The following TMTC2 variants were observed in gnomAD, a reference collection of about 807,000 sequenced individuals.
TMTC2 encodes the protein protein O-mannosyl-transferase TMTC2.
In TMTC2, 43 loss-of-function variants were observed where a neutral mutation model predicts 82.4. The ratio of observed to expected loss-of-function variants is 0.52; its 90% CI spans 0.41 to 0.67. TMTC2 has a LOEUF of 0.67. TMTC2 is among the 30% of genes least tolerant of loss of function. TMTC2 has a pLI of 0.00. For missense variants in TMTC2, 919 were observed against 1,012.4 expected (o/e 0.91, Z 1.25); for synonymous variants, 408 against 381.9 (o/e 1.07, Z -0.80).
chr12:83,097,403 CT>C (rs1166261490), intron 11 of TMTC2, among the ~76,000 whole-genome samples: 1 of 152,192 alleles, frequency 6.6e-6, no homozygotes, highest in Non-Finnish European at 1.5e-5. Context: ...TTATTTAACT[CT>C]TTGCTCCCGG....
At chr12:82,762,085 G>A (rs1592500784) in intron 1 of TMTC2, among the ~76,000 whole-genome samples, 1 of 149,550 alleles carries the variant, frequency 6.7e-6, no homozygotes, top group African/African-American at 2.5e-5. Flanking sequence ...TCCTGCCTCA[G>A]CCTCCTGAGT....
chr12:82,918,485 C>A (rs1875152183), intron 3 of TMTC2, among the ~76,000 whole-genome samples: 1 of 151,960 alleles, frequency 6.6e-6, no homozygotes, highest in Non-Finnish European at 1.5e-5. Flanking sequence ...CATATAGGGA[C>A]AAAGACATAT....
At chr12:82,983,190 A>C (rs1879002960) in intron 7 of TMTC2, among the ~76,000 whole-genome samples, 1 of 152,002 alleles carries the variant, frequency 6.6e-6, no homozygotes, top group Non-Finnish European at 1.5e-5. Context: ...TAAACACTCA[A>C]TTATTATTAT....
chr12:82,988,074 G>A (rs1879242083), intron 8 of TMTC2, among the ~76,000 whole-genome samples: 1 of 152,176 alleles, frequency 6.6e-6, no homozygotes, highest in Admixed American at 6.5e-5. Context: ...GGAGTGAGGT[G>A]CATAAAAGTA....
At position 82,712,005 on chromosome 12, in the gene TMTC2, C is replaced by G. The variant is rs1873648124; in HGVS notation, c.83+24336C>G. 2.6e-5 allele frequency among the ~76,000 whole-genome samples: 4 copies of G among 152,276 alleles called. No individual in the cohort carries two copies. In the South Asian group the frequency reaches 8.3e-4, roughly 32 times the overall value. ...GCACGCTCTATCTTTATCTTCTTCC[C>G]TTTTCCCTCCTCCTTTCCTGTCTTT... On this transcript the variant is annotated intron_variant, in intron 1 of 11. Coordinates refer to ENST00000321196, the MANE Select transcript of TMTC2 (RefSeq NM_152588.3).
intron 11 of TMTC2, among the ~76,000 whole-genome samples, chr12:83,129,471 G>T (rs1429268206): frequency 6.6e-6 from 1 of 152,126 alleles, no homozygotes; most frequent in Non-Finnish European, 1.5e-5. Flanking sequence ...TACAAAATTT[G>T]TTTCATCATT....
chr12:82,887,618 G>T (rs1243004246), intron 2 of TMTC2, among the ~76,000 whole-genome samples: 1 of 152,046 alleles, frequency 6.6e-6, no homozygotes, highest in Non-Finnish European at 1.5e-5. Flanking sequence ...CCTTATATTG[G>T]CTGACTTTAA....
At chr12:82,960,012 G>C (rs1050549935) in intron 4 of TMTC2, among the ~76,000 whole-genome samples, 3 of 151,830 alleles carry the variant, frequency 2.0e-5, no homozygotes, top group Non-Finnish European at 4.4e-5. Flanking sequence ...AAAAAAGAAA[G>C]ATATGAGCAG....
chr12:82,948,412 T>G (rs946616697), intron 4 of TMTC2, among the ~76,000 whole-genome samples: 6 of 152,202 alleles, frequency 3.9e-5, no homozygotes, highest in Admixed American at 2.6e-4. Context: ...GTTTTTCTTC[T>G]AATTCTGAAG....
intron 4 of TMTC2, among the ~76,000 whole-genome samples, chr12:82,936,963 T>C (rs1199953630): frequency 6.6e-6 from 1 of 152,180 alleles, no homozygotes; most frequent in African/African-American, 2.4e-5. Context: ...AGACTAGTAA[T>C]GAGTATTAGG....
At chr12:82,974,903 C>T (rs1337875985) in intron 7 of TMTC2, among the ~76,000 whole-genome samples, 1 of 152,086 alleles carries the variant, frequency 6.6e-6, no homozygotes, top group African/African-American at 2.4e-5. Flanking sequence ...TGGTGCAGCA[C>T]CCCTTTGGAA....
At chr12:82,741,986 C>G (rs1036531733) in intron 1 of TMTC2, among the ~76,000 whole-genome samples, 1 of 152,158 alleles carries the variant, frequency 6.6e-6, no homozygotes, top group African/African-American at 2.4e-5. Flanking sequence ...TTGTTTGCAT[C>G]CCAGTGCCCT....
chr12:82,738,436 C>T (rs527399671), intron 1 of TMTC2, among the ~76,000 whole-genome samples: 1 of 152,126 alleles, frequency 6.6e-6, no homozygotes, highest in Non-Finnish European at 1.5e-5. Flanking sequence ...TTTATGATCA[C>T]TTACTGAGTG....
intron 11 of TMTC2, among the ~76,000 whole-genome samples, chr12:83,072,165 G>A (rs1289788947): frequency 6.6e-6 from 1 of 151,918 alleles, no homozygotes; most frequent in Non-Finnish European, 1.5e-5. Flanking sequence ...TTTCCTCTTA[G>A]CGCTGCTTTT....
intron 1 of TMTC2, among the ~76,000 whole-genome samples, chr12:82,801,456 G>C (rs1878994502): frequency 6.6e-6 from 1 of 152,120 alleles, no homozygotes; most frequent in African/African-American, 2.4e-5. Flanking sequence ...GCAGGCTTGG[G>C]CAGCCTGCTT....
intron 3 of TMTC2, among the ~76,000 whole-genome samples, chr12:82,901,465 C>G (rs1483336224): frequency 1.3e-5 from 2 of 151,104 alleles, no homozygotes; most frequent in Non-Finnish European, 2.9e-5. Context: ...CCACCAAGCC[C>G]AGCTAATTTT....
At chr12:82,982,596 G>A (rs533872687) in intron 7 of TMTC2, among the ~76,000 whole-genome samples, 4 of 151,864 alleles carry the variant, frequency 2.6e-5, no homozygotes, top group East Asian at 1.9e-4. Flanking sequence ...TTACATATGC[G>A]TAGAAAGCAG....
At chr12:83,062,258 C>T (rs184407910) in intron 11 of TMTC2, among the ~76,000 whole-genome samples, 1 of 151,782 alleles carries the variant, frequency 6.6e-6, no homozygotes, top group Admixed American at 6.6e-5. Flanking sequence ...TATTCCACAG[C>T]CCTCATTTCT....
At chr12:82,790,434 T>C (rs1200745690) in intron 1 of TMTC2, among the ~76,000 whole-genome samples, 1 of 152,108 alleles carries the variant, frequency 6.6e-6, no homozygotes, top group African/African-American at 2.4e-5. Context: ...TTTGATAGCA[T>C]TTTTTAAAAA....
Sources: gnomAD v4.1 joint callset for allele counts (sites outside exome capture counted in the v4.1 genomes callset) on GRCh38, gnomAD v4.1.1 for gene constraint, MANE v1.5 for transcripts, NCBI Gene and HGNC (gene_info 2026-07-23, HGNC 2026-07-21) for gene names.